The following THRB variants were observed in gnomAD, a reference collection of about 807,000 sequenced individuals.
THRB encodes thyroid hormone receptor beta, also known as nuclear receptor subfamily 1 group A member 2.
A neutral mutation model predicts 47.8 loss-of-function variants in THRB; 12 were observed. That is an observed-to-expected ratio of 0.25 (90% CI 0.16 to 0.41). THRB has a LOEUF of 0.41. Ranked by LOEUF, THRB falls within the 10% of genes least tolerant of loss-of-function variation. The pLI is 1.00. For missense variants in THRB, 348 were observed against 589.2 expected (o/e 0.59, Z 4.24); for synonymous variants, 218 against 212.2 (o/e 1.03, Z -0.24).
intron 5 of THRB, among the ~76,000 whole-genome samples, chr3:24,186,488 A>T (rs1344854920): frequency 6.6e-6 from 1 of 152,182 alleles, no homozygotes; most frequent in African/African-American, 2.4e-5. Context: ...GCTCCTGGTT[A>T]AAATAGCCTC....
At chr3:24,370,122 G>C (rs184625249) in intron 1 of THRB, among the ~76,000 whole-genome samples, 2 of 152,068 alleles carry the variant, frequency 1.3e-5, no homozygotes, top group Admixed American at 1.3e-4. Flanking sequence ...ATTTTTTAGG[G>C]GGATATTTTA....
intron 3 of THRB, among the ~76,000 whole-genome samples, chr3:24,273,412 T>A (rs2053558929): frequency 6.6e-6 from 1 of 152,164 alleles, no homozygotes; most frequent in Admixed American, 6.5e-5. Flanking sequence ...TGACATTAAT[T>A]AATATCTCTT....
At chr3:24,381,798 G>A (rs1255985741) in intron 1 of THRB, among the ~76,000 whole-genome samples, 1 of 151,910 alleles carries the variant, frequency 6.6e-6, no homozygotes. Context: ...CCCAACCCAC[G>A]AAGTTCAGTT....
chr3:24,493,839 G>T (rs915281316), intron 1 of THRB, among the ~76,000 whole-genome samples: 3 of 152,130 alleles, frequency 2.0e-5, no homozygotes, highest in Non-Finnish European at 4.4e-5. Flanking sequence ...TCCCACAATG[G>T]TCATTGGGAA....
intron 4 of THRB, among the ~76,000 whole-genome samples, chr3:24,208,140 G>C (rs975480734): frequency 6.6e-6 from 1 of 151,952 alleles, no homozygotes; most frequent in African/African-American, 2.4e-5. Flanking sequence ...AACTTACAAG[G>C]GATGTGAAGG....
chr3:24,186,203 C>T (rs2042553626), intron 5 of THRB, among the ~76,000 whole-genome samples: 1 of 152,070 alleles, frequency 6.6e-6, no homozygotes. Context: ...AAGGCTGGGC[C>T]CCTCTCTAGA....
At chr3:24,185,602 G>T (rs9881663) in intron 5 of THRB, among the ~76,000 whole-genome samples, 13,583 of 152,176 alleles carry the variant, frequency 0.089, 1,220 homozygotes, top group African/African-American at 0.23. Context: ...GATCACTGAT[G>T]GCTGCTCTCC....
intron 3 of THRB, among the ~76,000 whole-genome samples, chr3:24,240,175 G>A (rs2049339274): frequency 6.6e-6 from 1 of 152,086 alleles, no homozygotes; most frequent in South Asian, 2.1e-4. Context: ...TGAGACCATG[G>A]CCACAACATT....
At chr3:24,150,796 C>T (rs1033817612) in intron 6 of THRB, among the ~76,000 whole-genome samples, 9 of 152,030 alleles carry the variant, frequency 5.9e-5, no homozygotes, top group Admixed American at 4.6e-4. Flanking sequence ...CATTATGCGC[C>T]GATTTAGAAG....
intron 1 of THRB, among the ~76,000 whole-genome samples, chr3:24,456,333 T>TAA (rs760844296): frequency 1.5e-5 from 2 of 130,510 alleles, no homozygotes; most frequent in Non-Finnish European, 3.3e-5. Context: ...AGACCCTGTC[T>TAA]AAAAAAAAAA....
chr3:24,281,011 C>T (rs1003821721), intron 3 of THRB, among the ~76,000 whole-genome samples: 26 of 152,164 alleles, frequency 1.7e-4, no homozygotes, highest in African/African-American at 6.3e-4. Context: ...GGAAAACACT[C>T]TGCAGGATAT....
intron 4 of THRB, among the ~76,000 whole-genome samples, chr3:24,197,373 A>G (rs2044071148): frequency 6.6e-6 from 1 of 151,940 alleles, no homozygotes; most frequent in African/African-American, 2.4e-5. Context: ...TCAAATTCTG[A>G]CTCTGCCATA....
At chr3:24,355,394 G>A (rs1356606951) in intron 1 of THRB, among the ~76,000 whole-genome samples, 1 of 152,154 alleles carries the variant, frequency 6.6e-6, no homozygotes, top group African/African-American at 2.4e-5. Context: ...TGATATCCTG[G>A]AATGGATCCT....
At chr3:24,491,832 T>C (rs1698186552) in intron 1 of THRB, among the ~76,000 whole-genome samples, 1 of 152,114 alleles carries the variant, frequency 6.6e-6, no homozygotes, top group Non-Finnish European at 1.5e-5. Context: ...ATTCAGGGAG[T>C]TGAAGGTCAA....
chr3:24,301,344 G>A (rs2056926153), intron 2 of THRB, among the ~76,000 whole-genome samples: 1 of 152,196 alleles, frequency 6.6e-6, no homozygotes, highest in African/African-American at 2.4e-5. Context: ...TTCTGAGGTT[G>A]AGCGTATTTT....
chr3:24,328,519 GA>G (rs1392726519), intron 2 of THRB, among the ~76,000 whole-genome samples: 4 of 152,130 alleles, frequency 2.6e-5, no homozygotes, highest in African/African-American at 9.7e-5. Context: ...CTAGTTCAGT[GA>G]ATGTCACCTA....
chr3:24,177,083 T>C (rs1235603719), intron 5 of THRB, among the ~76,000 whole-genome samples: 1 of 152,170 alleles, frequency 6.6e-6, no homozygotes, highest in African/African-American at 2.4e-5. Context: ...CCAGATCTAA[T>C]GGAGATACAC....
intron 1 of THRB, among the ~76,000 whole-genome samples, chr3:24,376,317 T>C (rs570756685): frequency 6.6e-6 from 1 of 152,286 alleles, no homozygotes; most frequent in East Asian, 1.9e-4. Flanking sequence ...TGGGGCACTT[T>C]TCAAATTGCA....
chr3:24,206,582 A>G (rs1408548061), intron 4 of THRB, among the ~76,000 whole-genome samples: 5 of 152,208 alleles, frequency 3.3e-5, no homozygotes, highest in African/African-American at 1.2e-4. Context: ...TAACATCACA[A>G]TTAAAAGAAC....
Sources: allele counts gnomAD v4.1 joint callset (sites outside exome capture counted in the v4.1 genomes callset), GRCh38; gene constraint gnomAD v4.1.1; transcripts MANE v1.5; gene names NCBI Gene and HGNC (gene_info 2026-07-23, HGNC 2026-07-21).